LSAMP: variants seen among roughly 807,000 people sequenced by gnomAD.
The protein encoded by LSAMP is limbic system-associated membrane protein.
LSAMP carries 7 observed loss-of-function variants against 38.6 expected under a neutral mutation model. The observed-to-expected ratio is 0.18, with a 90% CI of 0.10 to 0.34. LSAMP has a LOEUF of 0.34. Ranked by LOEUF, LSAMP falls within the 10% of genes least tolerant of loss-of-function variation. LSAMP has a pLI of 1.00. For synonymous variants in LSAMP, 154 were observed against 166.8 expected (o/e 0.92, Z 0.59); for missense variants, 313 against 420.0 (o/e 0.75, Z 2.23).
intron 1 of LSAMP, among the ~76,000 whole-genome samples, chr3:116,193,857 T>A (rs1710812661): frequency 6.6e-6 from 1 of 152,060 alleles, no homozygotes; most frequent in South Asian, 2.1e-4. Context: ...AAATAATAAG[T>A]CCAGTGCTTT....
intron 2 of LSAMP, among the ~76,000 whole-genome samples, chr3:116,061,094 C>A (rs1229714753): frequency 6.6e-6 from 1 of 152,086 alleles, no homozygotes. Context: ...ATCTAACATA[C>A]TTTAATCACA....
intron 1 of LSAMP, among the ~76,000 whole-genome samples, chr3:116,222,742 TTTTTTTTTTTTTTTG>T (rs2046302627): frequency 8.2e-6 from 1 of 121,684 alleles, no homozygotes; most frequent in African/African-American, 3.3e-5. Flanking sequence ...TTTTTTTTTT[TTTTTTTTTTTTTTTG>T]AGATGGAGTC....
intron 2 of LSAMP, among the ~76,000 whole-genome samples, chr3:116,079,294 A>G (rs1707820535): frequency 6.6e-6 from 1 of 152,078 alleles, no homozygotes; most frequent in South Asian, 2.1e-4. Flanking sequence ...TTTCTTCTTC[A>G]GGCCTTGGTA....
intron 2 of LSAMP, among the ~76,000 whole-genome samples, chr3:116,025,574 C>A (rs1940771153): frequency 6.6e-6 from 1 of 151,810 alleles, no homozygotes; most frequent in Non-Finnish European, 1.5e-5. Context: ...TTAATTGTTT[C>A]TTTTTTTATA....
intron 3 of LSAMP, among the ~76,000 whole-genome samples, chr3:115,970,641 C>T (rs551098582): frequency 6.6e-6 from 1 of 152,172 alleles, no homozygotes; most frequent in South Asian, 2.1e-4. Flanking sequence ...TTATTATGTA[C>T]ATTTGAATAT....
chr3:116,128,574 A>G (rs1164203980), intron 1 of LSAMP, among the ~76,000 whole-genome samples: 1 of 152,234 alleles, frequency 6.6e-6, no homozygotes, highest in Non-Finnish European at 1.5e-5. Flanking sequence ...ACATGATAGA[A>G]TGGACAAAAT....
chr3:116,073,039 G>A (rs1414905029), intron 2 of LSAMP, among the ~76,000 whole-genome samples: 4 of 151,860 alleles, frequency 2.6e-5, no homozygotes, highest in African/African-American at 9.7e-5. Flanking sequence ...CATAATTGTG[G>A]GTTTCACATT....
At chr3:116,105,164 G>C (rs1347424917) in intron 1 of LSAMP, among the ~76,000 whole-genome samples, 2 of 142,472 alleles carry the variant, frequency 1.4e-5, no homozygotes, top group East Asian at 4.0e-4. Context: ...ATATTTTTCA[G>C]TTTGACTAGG....
chr3:116,243,275 C>T (rs941812479), intron 1 of LSAMP, among the ~76,000 whole-genome samples: 4 of 152,136 alleles, frequency 2.6e-5, no homozygotes, highest in African/African-American at 9.7e-5. Context: ...TCTAATTTCC[C>T]ACCATGACTT....
At chr3:116,429,574 T>C (rs2049251715) in intron 1 of LSAMP, among the ~76,000 whole-genome samples, 1 of 152,214 alleles carries the variant, frequency 6.6e-6, no homozygotes, top group Non-Finnish European at 1.5e-5. Context: ...ACAGATTTAC[T>C]TATAGGCAAA....
intron 1 of LSAMP, among the ~76,000 whole-genome samples, chr3:116,300,716 TC>T (rs2047395487): frequency 6.6e-6 from 1 of 151,894 alleles, no homozygotes; most frequent in Admixed American, 6.6e-5. Context: ...CCAAAACCAC[TC>T]CCCCTACCCC....
intron 2 of LSAMP, among the ~76,000 whole-genome samples, chr3:116,075,978 T>C (rs1559733135): frequency 6.6e-6 from 1 of 152,210 alleles, no homozygotes; most frequent in Non-Finnish European, 1.5e-5. Flanking sequence ...CTAGTCTTTT[T>C]CTTTACTTTT....
intron 1 of LSAMP, among the ~76,000 whole-genome samples, chr3:116,347,099 A>G (rs533829655): frequency 6.6e-6 from 1 of 152,356 alleles, no homozygotes; most frequent in South Asian, 2.1e-4. Context: ...CTGGAACAAT[A>G]TACAGCAAGT....
At position 116,436,455 on chromosome 3, in the gene LSAMP, A is replaced by T. The variant is rs1291327660; in HGVS notation, c.155+8422T>A. 2.0e-5 allele frequency among the ~76,000 whole-genome samples: 3 copies of T among 152,230 alleles called. No individual in the cohort carries two copies. In the South Asian group the frequency reaches 6.2e-4, roughly 32 times the overall value. On this transcript the variant is annotated intron_variant, in intron 1 of 6. Coordinates refer to ENST00000490035, the MANE Select transcript of LSAMP (RefSeq NM_002338.5). ...AATCTTCACAATCTATACATCTGAC[A>T]AAGGACTGATATCTAGAATCTACAG...
intron 1 of LSAMP, among the ~76,000 whole-genome samples, chr3:116,391,839 T>G (rs1033769725): frequency 1.3e-5 from 2 of 152,092 alleles, no homozygotes; most frequent in African/African-American, 4.8e-5. Context: ...GTCGGTTTCT[T>G]GCGCCTTGGG....
intron 6 of LSAMP, among the ~76,000 whole-genome samples, chr3:115,838,339 G>T (rs1387009705): frequency 6.6e-6 from 1 of 152,168 alleles, no homozygotes; most frequent in Non-Finnish European, 1.5e-5. Flanking sequence ...CATGAAACAA[G>T]ATAAACCTAT....
chr3:116,166,258 G>T (rs1308827692), intron 1 of LSAMP, among the ~76,000 whole-genome samples: 6 of 152,186 alleles, frequency 3.9e-5, no homozygotes, highest in Non-Finnish European at 8.8e-5. Context: ...CTTGCCATGT[G>T]CCAGGCACAG....
chr3:116,111,777 C>T (rs1027564426), intron 1 of LSAMP, among the ~76,000 whole-genome samples: 103 of 152,246 alleles, frequency 6.8e-4, no homozygotes, highest in African/African-American at 2.4e-3. Flanking sequence ...TTTTACTACT[C>T]TTCTGACAAA....
chr3:116,215,181 CAAAT>C (rs1040653820), intron 1 of LSAMP, among the ~76,000 whole-genome samples: 3 of 152,062 alleles, frequency 2.0e-5, no homozygotes, highest in Non-Finnish European at 4.4e-5. Context: ...AATAAACAAA[CAAAT>C]AAAGGAATAA....
Sources: allele counts gnomAD v4.1 joint callset (sites outside exome capture counted in the v4.1 genomes callset), GRCh38; gene constraint gnomAD v4.1.1; transcripts MANE v1.5; gene names NCBI Gene and HGNC (gene_info 2026-07-23, HGNC 2026-07-21).